NEK3: variants seen among roughly 807,000 people sequenced by gnomAD.
NEK3 encodes the protein serine/threonine-protein kinase Nek3.
Under a neutral mutation model 66.0 loss-of-function variants are expected in NEK3, and 54 were observed. That is an observed-to-expected ratio of 0.82 (90% CI 0.66 to 1.03). The LOEUF (loss-of-function observed/expected upper bound fraction) is 1.03. Among genes scored for constraint, NEK3 ranks in the 50% least tolerant of loss-of-function variants. The pLI is 0.00. For missense variants in NEK3, 593 were observed against 603.0 expected, an observed-to-expected ratio of 0.98 and a Z score of 0.17; for synonymous variants, 200 against 206.2, an observed-to-expected ratio of 0.97 and a Z score of 0.26.
chr13:52,157,692 T>C (rs899353589), intron 1 of NEK3, among the ~76,000 whole-genome samples: 1 of 152,222 alleles, frequency 6.6e-6, no homozygotes, highest in African/African-American at 2.4e-5. Context: ...ATGAAGCAGC[T>C]AGCGGGACTG....
chr13:52,147,055 AC>A (rs1467940473), intron 8 of NEK3, among the ~76,000 whole-genome samples: 2 of 152,214 alleles, frequency 1.3e-5, no homozygotes, highest in African/African-American at 4.8e-5. Context: ...AAGTTATTTA[AC>A]CTTTTTTTGT....
At chr13:52,151,539 C>T (rs1956346538) in intron 5 of NEK3, 147 bp from the exon 6 acceptor site, 2 of 684,652 alleles carry the variant, frequency 2.9e-6, no homozygotes, top group Non-Finnish European at 5.0e-6. Flanking sequence ...ACACCAAGAT[C>T]CCCTCTTGAT....
At chr13:52,152,953 T>C (rs1204999275) in intron 4 of NEK3, among the ~76,000 whole-genome samples, 1 of 152,220 alleles carries the variant, frequency 6.6e-6, no homozygotes, top group Non-Finnish European at 1.5e-5. Context: ...TATATTATTC[T>C]TATATTCAAC....
At chr13:52,156,362 G>A in intron 1 of NEK3, 114 bp from the exon 2 acceptor site, 1 of 549,272 alleles carries the variant, frequency 1.8e-6, no homozygotes, top group Non-Finnish European at 3.3e-6. Flanking sequence ...TCCTTTTGAA[G>A]AGGATCAGTG....
chr13:52,156,330 T>C, intron 1 of NEK3, 82 bp from the exon 2 acceptor site: 1 of 593,142 alleles, frequency 1.7e-6, no homozygotes, highest in Non-Finnish European at 3.0e-6. Flanking sequence ...CTCATAACCA[T>C]GATAAGAGAA....
At position 52,136,868 on chromosome 13, in the gene NEK3, G is replaced by A. The variant is rs1482283111; in HGVS notation, c.962C>T (p.Thr321Ile). 2 of 1,573,576 alleles carry A rather than the reference G, an allele frequency of 1.3e-6. No individual in the cohort carries two copies. Among genetic ancestry groups the A allele is most frequent in the African/African-American group, 1.3e-5 (1 of 74,456 alleles). Residue 321 changes from threonine (T) to isoleucine (I), a missense_variant, in exon 12 of 16, where the codon ACT (threonine) becomes ATT (isoleucine). Coordinates refer to ENST00000610828, the MANE Select transcript of NEK3 (RefSeq NM_002498.3). Reference protein sequence around the residue: ...EEEQDRKGSHTDLESINENLV... With the variant: ...EEEQDRKGSHIDLESINENLV... ...ATTTTCATTAATGCTTTCCAAATCA[G>A]TATGGCTACCCTTTCTATCTTGTTC...
intron 12 of NEK3, 87 bp from the exon 13 acceptor site, chr13:52,136,346 A>C (rs1219226234): frequency 7.7e-7 from 1 of 1,300,820 alleles, no homozygotes; most frequent in African/African-American, 1.5e-5. Flanking sequence ...CAAATATGGA[A>C]GTGTTTCTTT....
chr13:52,135,395 C>G (rs1198868918), intron 14 of NEK3, among the ~76,000 whole-genome samples: 1 of 152,080 alleles, frequency 6.6e-6, no homozygotes, highest in Non-Finnish European at 1.5e-5. Context: ...AATGAGCAAA[C>G]AGAAGTAATG....
intron 12 of NEK3, 58 bp from the exon 13 acceptor site, chr13:52,136,317 G>T (rs935491901): frequency 8.4e-6 from 13 of 1,542,926 alleles, no homozygotes; most frequent in Non-Finnish European, 1.2e-5. Context: ...ATCCATCTCT[G>T]TCCACACATA....
At chr13:52,149,830 T>C (rs955525694) in intron 7 of NEK3, among the ~76,000 whole-genome samples, 3 of 150,332 alleles carry the variant, frequency 2.0e-5, no homozygotes, top group South Asian at 2.1e-4. Context: ...GATTGTGCCA[T>C]TGCACTCAAG....
intron 11 of NEK3, 44 bp from the exon 12 acceptor site, chr13:52,136,946 G>A: frequency 7.6e-7 from 1 of 1,310,214 alleles, no homozygotes; most frequent in East Asian, 2.6e-5. Context: ...TGCTTGAATT[G>A]CCACAAAAAG....
At chr13:52,133,615 T>A in intron 15 of NEK3, 74 bp downstream of exon 15, 1 of 1,308,468 alleles carries the variant, frequency 7.6e-7, no homozygotes, top group Non-Finnish European at 1.0e-6. Context: ...CTAATTTAAA[T>A]CACACACACA....
intron 8 of NEK3, chr13:52,148,213 C>A: frequency 2.3e-6 from 1 of 434,668 alleles, no homozygotes; most frequent in Non-Finnish European, 4.1e-6. Flanking sequence ...TTATGTATTG[C>A]ACAGCCAAAC....
At chr13:52,146,507 A>G (rs1386736529) in intron 8 of NEK3, among the ~76,000 whole-genome samples, 1 of 152,214 alleles carries the variant, frequency 6.6e-6, no homozygotes, top group Non-Finnish European at 1.5e-5. Context: ...CTTAATACTC[A>G]TTCTTGCTGG....
chr13:52,152,460 G>C lies in NEK3; in HGVS notation c.393+149C>G, dbSNP rs1201107413. The C allele has an allele frequency of 1.0e-5, 5 of 483,988 alleles. No individual in the cohort carries two copies. The Admixed American group carries it at 2.0e-4, about 19-fold the overall frequency. 30.0% of individuals were successfully genotyped at this position (483,988 alleles called of 1,614,324 possible). On this transcript the variant is annotated intron_variant, in intron 5 of 15. Coordinates refer to ENST00000610828, the MANE Select transcript of NEK3 (RefSeq NM_002498.3). Reference sequence around the variant, plus strand: ...CAATTATATTTTAAGAAAGGTGGGGGAATTTAAATTTGAAAAGTAAATAAC... The same window carrying C: ...CAATTATATTTTAAGAAAGGTGGGGCAATTTAAATTTGAAAAGTAAATAAC...
intron 8 of NEK3, among the ~76,000 whole-genome samples, chr13:52,147,233 T>A (rs1438330853): frequency 1.3e-5 from 2 of 152,172 alleles, no homozygotes; most frequent in African/African-American, 4.8e-5. Context: ...CTCAAAAAGC[T>A]AAATACAATT....
Position 52,148,442 on chromosome 13 carries a change from C to A in NEK3, c.576G>T (p.Leu192=). 6.2e-7 allele frequency: 1 copy of A among 1,613,622 alleles called. No individual in the cohort carries two copies. Among genetic ancestry groups the A allele is most frequent in the Non-Finnish European group, 8.5e-7 (1 of 1,179,706 alleles). Reference sequence around the variant, plus strand: ...GATGCTTAAGGGTACAGAGTTCATACAGGATGCAACCCAAGGACCAGATGT... The same window carrying A: ...GATGCTTAAGGGTACAGAGTTCATAAAGGATGCAACCCAAGGACCAGATGT... ...KSDIWSLGCI[L]YELCTLKHPF... Residue 192 remains leucine (L), a synonymous_variant, in exon 8 of 16, where the codon CTG becomes CTT. Transcript: ENST00000610828.
intron 11 of NEK3, 43 bp downstream of exon 11, chr13:52,140,964 ACCACCACGCCCGG>A: frequency 1.4e-6 from 2 of 1,417,722 alleles, no homozygotes; most frequent in East Asian, 2.5e-5. Context: ...ACAGGCTTGC[ACCACCACGCCCGG>A]CCACCGCGCC....
chr13:52,133,709 A>C lies in NEK3; in HGVS notation c.1416T>G (p.Pro472=). The part of the protein sequence containing the change: ...SVILDPERLE[P]GLDEEDTDFE... ...CGTACGTGTCCTCCTCATCTAGCCCAGGCTCAAGTCGCTCTGGATCCAAAA... is the reference window on the plus strand; with the variant it reads ...CGTACGTGTCCTCCTCATCTAGCCCCGGCTCAAGTCGCTCTGGATCCAAAA... The change falls in exon 15 of 16, where the codon CCT becomes CCG. Residue 472 remains proline, a synonymous_variant. Coordinates refer to ENST00000610828, the MANE Select transcript of NEK3 (RefSeq NM_002498.3). 2 of 1,557,522 alleles carry C rather than the reference A, an allele frequency of 1.3e-6. No homozygotes were observed. Among genetic ancestry groups the C allele is most frequent in the Non-Finnish European group, 1.7e-6 (2 of 1,149,640 alleles).
Sources: allele counts gnomAD v4.1 joint callset (sites outside exome capture counted in the v4.1 genomes callset), GRCh38; gene constraint gnomAD v4.1.1; transcripts MANE v1.5; gene names NCBI Gene and HGNC (gene_info 2026-07-23, HGNC 2026-07-21).